Variants in AOAH observed in about 807,000 individuals in gnomAD.
AOAH encodes the protein acyloxyacyl hydrolase (neutrophil).
Under a neutral mutation model 92.2 loss-of-function variants are expected in AOAH, and 64 were observed. The observed-to-expected ratio is 0.69, with a 90% confidence interval of 0.57 to 0.86. The LOEUF (loss-of-function observed/expected upper bound fraction) is 0.86. Among genes scored for constraint, AOAH ranks in the 40% least tolerant of loss-of-function variants. The probability of loss-of-function intolerance (pLI) is 0.00; values close to 1 mark genes in which losing one functional copy is unlikely to be tolerated. For missense variants in AOAH, 656 were observed against 694.6 expected (o/e 0.94, Z 0.62); for synonymous variants, 263 against 254.5 (o/e 1.03, Z -0.32).
At chr7:36,657,840 T>C (rs1005983763) in intron 4 of AOAH, among the ~76,000 whole-genome samples, 2 of 152,224 alleles carry the variant, frequency 1.3e-5, no homozygotes, top group African/African-American at 4.8e-5. Context: ...AAATAAAGAA[T>C]GCCATTTTAA....
chr7:36,561,397 C>A (rs1787254641), intron 13 of AOAH, among the ~76,000 whole-genome samples: 1 of 152,126 alleles, frequency 6.6e-6, no homozygotes, highest in Non-Finnish European at 1.5e-5. Flanking sequence ...ACAGGAAAAG[C>A]CAATTGATTT....
Position 36,686,531 on chromosome 7 carries a change from ATT to A in AOAH, c.223+166_223+167del, listed in dbSNP as rs60875600. ...ATGTCAGGGAGAAGTTGCCCAGAGC[ATT>A]TTTTTTTGGTTTTAATTTCTATAAG... is the stretch of plus-strand genomic sequence containing the variant. On this transcript the variant is annotated intron_variant, in intron 2 of 20. Coordinates refer to ENST00000617537, the MANE Select transcript of AOAH (RefSeq NM_001637.4). Among the ~76,000 whole-genome samples the A allele has an allele frequency of 1.3e-4, 19 of 151,142 alleles. No homozygotes were observed. The East Asian group carries it at 2.3e-3, about 19-fold the overall frequency.
At chr7:36,557,787 G>A (rs1164403133) in intron 13 of AOAH, among the ~76,000 whole-genome samples, 1 of 152,076 alleles carries the variant, frequency 6.6e-6, no homozygotes, top group East Asian at 1.9e-4. Flanking sequence ...CGGCTCCTGA[G>A]GCTTCTGCAT....
intron 4 of AOAH, among the ~76,000 whole-genome samples, chr7:36,642,962 A>T (rs1474300192): frequency 6.6e-6 from 1 of 152,220 alleles, no homozygotes; most frequent in Non-Finnish European, 1.5e-5. Context: ...TGTAAAGTGG[A>T]GATAATAGCG....
At chr7:36,680,541 T>C (rs7802661) in intron 2 of AOAH, among the ~76,000 whole-genome samples, 1,820 of 152,302 alleles carry the variant, frequency 0.012, 40 homozygotes, top group African/African-American at 0.042. Context: ...TGGATCCCAG[T>C]AGGCACTGTG....
In AOAH at chr7:36,686,783, C is replaced by A; in HGVS notation, c.139G>T (p.Val47Leu). ...NGHTCVGCVLVVSVIEQLAQV... is the reference protein window; with the variant it reads ...NGHTCVGCVLLVSVIEQLAQV... ...GCAAGCTGTTCTATTACAGACACCA[C>A]CAGCACACACCCTGCCAGGGAGGAG... Residue 47 changes from valine to leucine, a missense_variant, in exon 2 of 21, where the codon GTG becomes TTG. Physicochemically the swap from Val to Leu is conservative, Grantham distance 32 (BLOSUM62 1). Coordinates refer to ENST00000617537, the MANE Select transcript of AOAH (RefSeq NM_001637.4). 6.4e-7 allele frequency: 1 copy of A among 1,559,406 alleles called. No individual in the cohort carries two copies. Among genetic ancestry groups the A allele is most frequent in the Non-Finnish European group, 8.7e-7 (1 of 1,151,764 alleles).
At chr7:36,630,546 C>CAGG (rs1793002745) in intron 6 of AOAH, among the ~76,000 whole-genome samples, 1 of 152,154 alleles carries the variant, frequency 6.6e-6, no homozygotes, top group African/African-American at 2.4e-5. Flanking sequence ...CATGGACACC[C>CAGG]AGGAGTCTAA....
At chr7:36,523,678 T>C (rs1784236403) in intron 19 of AOAH, among the ~76,000 whole-genome samples, 1 of 147,478 alleles carries the variant, frequency 6.8e-6, no homozygotes, top group African/African-American at 2.6e-5. Context: ...AACCTTCTTC[T>C]TGAGGTTCAA....
chr7:36,513,466 A>G (rs897515712), intron 20 of AOAH, 86 bp from the exon 21 acceptor site: 130 of 1,412,154 alleles, frequency 9.2e-5, no homozygotes, highest in Non-Finnish European at 1.2e-4. Flanking sequence ...TTTCTGCCAG[A>G]GACAGCCTCT....
chr7:36,543,884 G>T (rs1181525342), intron 15 of AOAH, among the ~76,000 whole-genome samples: 1 of 151,684 alleles, frequency 6.6e-6, no homozygotes, highest in African/African-American at 2.4e-5. Flanking sequence ...TGCCATAGAA[G>T]GTGGCTTTTG....
intron 4 of AOAH, among the ~76,000 whole-genome samples, chr7:36,654,642 A>G (rs1794773111): frequency 6.6e-6 from 1 of 152,120 alleles, no homozygotes; most frequent in African/African-American, 2.4e-5. Flanking sequence ...CATGTATATC[A>G]CAGGGGAGAC....
At chr7:36,625,265 A>G (rs950072226) in intron 6 of AOAH, among the ~76,000 whole-genome samples, 1 of 152,170 alleles carries the variant, frequency 6.6e-6, no homozygotes, top group Admixed American at 6.5e-5. Flanking sequence ...CTTGCCAGAT[A>G]CTGAGTTGAG....
intron 4 of AOAH, among the ~76,000 whole-genome samples, chr7:36,648,905 TGTTTAAAGG>T (rs1045297531): frequency 3.2e-4 from 49 of 152,314 alleles, no homozygotes; most frequent in African/African-American, 1.1e-3. Flanking sequence ...TTTCCTCAGA[TGTTTAAAGG>T]GGAACTTTTA....
At chr7:36,604,907 C>T (rs1284125950) in intron 11 of AOAH, among the ~76,000 whole-genome samples, 1 of 152,234 alleles carries the variant, frequency 6.6e-6, no homozygotes, top group Non-Finnish European at 1.5e-5. Flanking sequence ...ACCATGACCT[C>T]TTTGCTGCTT....
chr7:36,692,386 A>T (rs1797458290), intron 1 of AOAH, among the ~76,000 whole-genome samples: 1 of 152,220 alleles, frequency 6.6e-6, no homozygotes, highest in Non-Finnish European at 1.5e-5. Flanking sequence ...TTTATTGCAG[A>T]CAACTAGTGT....
At chr7:36,525,453 T>A (rs770428502) in intron 19 of AOAH, among the ~76,000 whole-genome samples, 5 of 152,254 alleles carry the variant, frequency 3.3e-5, no homozygotes, top group African/African-American at 4.8e-5. Context: ...CTAGGCTATT[T>A]TCATTTTGAT....
chr7:36,709,087 C>T (rs768305205), intron 1 of AOAH, among the ~76,000 whole-genome samples: 2 of 152,114 alleles, frequency 1.3e-5, no homozygotes, highest in Non-Finnish European at 2.9e-5. Context: ...TATCTCAGCC[C>T]TTCCATGATG....
At chr7:36,721,014 G>A (rs1006019056) in intron 1 of AOAH, among the ~76,000 whole-genome samples, 5 of 152,276 alleles carry the variant, frequency 3.3e-5, no homozygotes, top group African/African-American at 1.2e-4. Flanking sequence ...CCAGCTGCGA[G>A]AGAGCGGACC....
At chr7:36,669,031 G>T (rs1795737330) in intron 3 of AOAH, among the ~76,000 whole-genome samples, 1 of 152,306 alleles carries the variant, frequency 6.6e-6, no homozygotes, top group African/African-American at 2.4e-5. Context: ...TTAGAATCAT[G>T]GTAGAATTAC....
Sources: gnomAD v4.1 joint callset for allele counts (sites outside exome capture counted in the v4.1 genomes callset) on GRCh38, gnomAD v4.1.1 for gene constraint, MANE v1.5 for transcripts, NCBI Gene and HGNC (gene_info 2026-07-23, HGNC 2026-07-21) for gene names.